TPTE: variants seen among roughly 807,000 people sequenced by gnomAD.
The protein encoded by TPTE is putative tyrosine-protein phosphatase TPTE.
A neutral mutation model predicts 84.1 loss-of-function variants in TPTE; 59 were observed. The observed-to-expected ratio is 0.70, with a 90% CI of 0.57 to 0.87. The LOEUF is 0.87. TPTE is among the 40% of genes least tolerant of loss of function. TPTE has a pLI of 0.00. For missense variants in TPTE, 382 were observed against 659.6 expected (o/e 0.58, Z 4.61); for synonymous variants, 130 against 223.5 (o/e 0.58, Z 3.73).
At chr21:10,537,815 G>C (rs543216254) in intron 3 of TPTE, among the ~76,000 whole-genome samples, 1 of 152,308 alleles carries the variant, frequency 6.6e-6, no homozygotes, top group Non-Finnish European at 1.5e-5. Flanking sequence ...GCACCCACAG[G>C]TACAGCAGAG....
intron 9 of TPTE, among the ~76,000 whole-genome samples, chr21:10,560,460 C>T (rs534816350): frequency 6.6e-6 from 1 of 152,428 alleles, no homozygotes; most frequent in African/African-American, 2.4e-5. Context: ...GAATATGTAA[C>T]AGCAAGTGGC....
chr21:10,574,703 C>T (rs2879294), intron 14 of TPTE, among the ~76,000 whole-genome samples: 1 of 152,308 alleles, frequency 6.6e-6, no homozygotes, highest in African/African-American at 2.4e-5. Flanking sequence ...GCCAAAGGAA[C>T]CCCCACTCCC....
At chr21:10,589,165 C>T (rs2145767095) in intron 17 of TPTE, among the ~76,000 whole-genome samples, 1 of 152,430 alleles carries the variant, frequency 6.6e-6, no homozygotes, top group East Asian at 1.9e-4. Flanking sequence ...CTTTTTCTTT[C>T]CTTTCCTATA....
At chr21:10,523,152 C>T (rs1359713180) in intron 1 of TPTE, among the ~76,000 whole-genome samples, 2 of 152,298 alleles carry the variant, frequency 1.3e-5, no homozygotes, top group African/African-American at 2.4e-5. Context: ...AAATAATAAT[C>T]CTCTCCATTA....
At chr21:10,552,528 G>A in intron 7 of TPTE, 129 bp from the exon 8 acceptor site, 8 of 1,445,604 alleles carry the variant, frequency 5.5e-6, no homozygotes, top group South Asian at 2.7e-5. Flanking sequence ...AGGTCTTCCA[G>A]TGAGCTAAGT....
At chr21:10,548,984 G>A (rs554515889) in intron 7 of TPTE, among the ~76,000 whole-genome samples, 19 of 152,414 alleles carry the variant, frequency 1.2e-4, no homozygotes, top group African/African-American at 4.3e-4. Flanking sequence ...CAAGTTTTCT[G>A]ACCCACTCTA....
intron 14 of TPTE, chr21:10,576,251 G>A (rs1438861837): frequency 5.3e-6 from 1 of 189,628 alleles, no homozygotes; most frequent in Non-Finnish European, 1.1e-5. Flanking sequence ...TTCTGAGCGG[G>A]AACCTTTGTA....
rs1163867585 is a variant in TPTE at position 10,596,149 on chromosome 21, G to C, written c.1276+62G>C. 87 of 1,608,040 alleles carry C rather than the reference G, an allele frequency of 5.4e-5. No individual in the cohort carries two copies. In the South Asian group the frequency reaches 9.1e-4, roughly 17 times the overall value. ...AGGGCCAATGTCCCCACTCTGGGAGGGTTTTGCTCATAGTTGTATATACAG... is the reference window on the plus strand; with the variant it reads ...AGGGCCAATGTCCCCACTCTGGGAGCGTTTTGCTCATAGTTGTATATACAG... On this transcript the variant is annotated intron_variant, in intron 20 of 23. Coordinates refer to ENST00000618007, the MANE Select transcript of TPTE (RefSeq NM_199261.4).
At chr21:10,569,271 TG>T (rs2074990578) in intron 11 of TPTE, among the ~76,000 whole-genome samples, 165 bp from the exon 12 acceptor site, 1 of 152,310 alleles carries the variant, frequency 6.6e-6, no homozygotes, top group South Asian at 2.1e-4. Context: ...CGCACGCCAG[TG>T]GTGAAAACCT....
intron 3 of TPTE, among the ~76,000 whole-genome samples, chr21:10,533,180 T>TA (rs1400888626): frequency 6.6e-6 from 1 of 152,310 alleles, no homozygotes; most frequent in African/African-American, 2.4e-5. Context: ...TTTCTCAATC[T>TA]AATCTTCTAA....
At chr21:10,557,735 AT>A (rs577049186) in intron 8 of TPTE, among the ~76,000 whole-genome samples, 3,200 of 148,684 alleles carry the variant, frequency 0.022, no homozygotes, top group South Asian at 0.075. Flanking sequence ...TCAAAGGCCA[AT>A]TTTTTTTTTT....
chr21:10,547,829 C>T (rs1568964824), intron 7 of TPTE, among the ~76,000 whole-genome samples: 1 of 152,302 alleles, frequency 6.6e-6, no homozygotes, highest in Non-Finnish European at 1.5e-5. Flanking sequence ...CCCCCACCAC[C>T]ACACTTCCAG....
chr21:10,590,282 A>G (rs1356722947), intron 17 of TPTE, among the ~76,000 whole-genome samples, 180 bp from the exon 18 acceptor site: 370 of 151,738 alleles, frequency 2.4e-3, no homozygotes, highest in African/African-American at 8.8e-3. Context: ...CCTATTTTTC[A>G]CCTGTGAGAT....
At position 10,529,979 on chromosome 21, in the gene TPTE, A is replaced by G. The variant is rs186613124; in HGVS notation, c.-44+2567A>G. The stretch of plus-strand genomic sequence containing the variant: ...GTATCATTCTATTATAAGGAGAGCT[A>G]TTCCTACCCCTATTTGTTCACTATT... On this transcript the variant is annotated intron_variant, in intron 3 of 23. Transcript: ENST00000618007. Among the ~76,000 whole-genome samples, 27 of 152,426 alleles carry G rather than the reference A, an allele frequency of 1.8e-4. No individual in the cohort carries two copies. The East Asian group carries it at 4.4e-3, about 25-fold the overall frequency.
chr21:10,572,874 CA>C, intron 14 of TPTE, among the ~76,000 whole-genome samples: 1 of 152,272 alleles, frequency 6.6e-6, no homozygotes, highest in South Asian at 2.1e-4. Flanking sequence ...TTTGTCACTA[CA>C]GAAAGTGACC....
intron 2 of TPTE, among the ~76,000 whole-genome samples, chr21:10,525,283 G>A (rs1272600812): frequency 1.3e-5 from 2 of 152,424 alleles, no homozygotes; most frequent in African/African-American, 4.8e-5. Context: ...CAACTAACGT[G>A]TTTTGGAGAC....
At chr21:10,541,196 G>T (rs1319612583) in intron 5 of TPTE, 31 bp downstream of exon 5, 20 of 1,611,392 alleles carry the variant, frequency 1.2e-5, no homozygotes, top group Non-Finnish European at 1.5e-5. Flanking sequence ...ACATGACCAG[G>T]TGCAATGGTT....
intron 23 of TPTE, among the ~76,000 whole-genome samples, chr21:10,604,277 A>G (rs1479829265): frequency 1.3e-5 from 2 of 152,310 alleles, no homozygotes; most frequent in Non-Finnish European, 2.9e-5. Flanking sequence ...TTCTCAGTCT[A>G]GAAGTTCTCC....
In TPTE at chr21:10,562,324, A is replaced by G. The variant is rs1233876863; in HGVS notation, c.446+1133A>G. On this transcript the variant is annotated intron_variant, in intron 10 of 23. Transcript: ENST00000618007. ...ATAAATACAGTGAAAACTACAATCA[A>G]TACCTAACTCTTCAATGCCCAGACA... 1.0e-4 allele frequency among the ~76,000 whole-genome samples: 16 copies of G among 152,418 alleles called. No homozygotes were observed. The South Asian group carries it at 2.9e-3, about 28-fold the overall frequency.
Sources: allele counts gnomAD v4.1 joint callset (sites outside exome capture counted in the v4.1 genomes callset), GRCh38; gene constraint gnomAD v4.1.1; transcripts MANE v1.5; gene names NCBI Gene and HGNC (gene_info 2026-07-23, HGNC 2026-07-21).